Variants in RAET1E observed in about 807,000 individuals in gnomAD.
RAET1E encodes NKG2D ligand 4.
In RAET1E, 27 loss-of-function variants were observed where a neutral mutation model predicts 21.1. That is an observed-to-expected ratio of 1.28 (90% CI 0.94 to 1.76). RAET1E has a LOEUF of 1.76. RAET1E is among the 40% of genes most tolerant of loss of function. RAET1E has a pLI of 0.00. For synonymous variants in RAET1E, 113 were observed against 115.0 expected (o/e 0.98, Z 0.11); for missense variants, 310 against 311.3 (o/e 1.00, Z 0.03).
rs763046844 is a variant in RAET1E at position 149,889,443 on chromosome 6, C to T, written c.527G>A (p.Gly176Glu). Residue 176 changes from glycine to glutamate, a missense_variant, in exon 5 of 6, where the codon GGG becomes GAG. By Grantham distance (98) the Gly-to-Glu change is moderately conservative. Transcript: ENST00000357183. ...GAGCTTCCTGAAATACTTTTCCAGC[C>T]CTCTGTCTTTCTTCCATGTCTCCTT... is the stretch of plus-strand genomic sequence containing the variant. ...KIKETWKKDR[G>E]LEKYFRKLSK... 3 of 1,614,058 alleles carry T rather than the reference C, an allele frequency of 1.9e-6. No individual in the cohort carries two copies. The highest frequency in any genetic ancestry group is 1.3e-5 in the African/African-American group (1 of 74,918).
intron 1 of RAET1E, among the ~76,000 whole-genome samples, chr6:149,897,643 G>A (rs1180247971): frequency 6.6e-6 from 1 of 152,156 alleles, no homozygotes; most frequent in African/African-American, 2.4e-5. Context: ...TGGAAGCCTT[G>A]GCATAAGCGG....
rs1219503533 is a variant in RAET1E, at chr6:149,885,204, C to CA, written c.*3293dup. ...TGTTTCTGTCCATCAGACCACCCAT[C>CA]ACATAGGCAACCCCTGGAGAGTGAC... On this transcript the variant is annotated 3_prime_UTR_variant, in exon 6 of 6. Transcript: ENST00000357183. Among the ~76,000 whole-genome samples, 7 of 152,156 alleles carry CA rather than the reference C, an allele frequency of 4.6e-5. No homozygotes were observed. Among genetic ancestry groups the CA allele is most frequent in the African/African-American group, 1.4e-4 (6 of 41,434 alleles).
At chr6:149,890,758 C>T in intron 3 of RAET1E, 59 bp downstream of exon 3, 6 of 1,215,232 alleles carry the variant, frequency 4.9e-6, no homozygotes, top group Non-Finnish European at 7.3e-6. Context: ...CATTCGCCTA[C>T]CCCCTACCTT....
intron 5 of RAET1E, 115 bp downstream of exon 5, chr6:149,889,233 A>C: frequency 6.7e-7 from 1 of 1,483,180 alleles, no homozygotes; most frequent in Non-Finnish European, 8.9e-7. Context: ...TCCAGACAGG[A>C]AGCCCACGGA....
rs7768626 is a variant in RAET1E, at chr6:149,886,826, G to T, written c.*1672C>A. On this transcript the variant is annotated 3_prime_UTR_variant, in exon 6 of 6. Transcript: ENST00000357183. ...GCTTTTTCTCTCTTCTGTCACTTCA[G>T]CAGAAACAATGCCCAGAAATGCCAG... 0.44 allele frequency among the ~76,000 whole-genome samples: 67,442 copies of T among 152,044 alleles called. 15,655 individuals carry two copies. The highest frequency in any genetic ancestry group is 0.88 in the East Asian group (4,575 of 5,178).
rs1777703752 is a variant in RAET1E at position 149,888,394 on chromosome 6, G to A, written c.*104C>T. On this transcript the variant is annotated 3_prime_UTR_variant, in exon 6 of 6. Transcript: ENST00000357183. Reference sequence around the variant, plus strand: ...CTGCCAGCCCTGCTGTGTAGTGTGGGGGCTCAAGACTAAGGCAGTGCACCA... The same window carrying A: ...CTGCCAGCCCTGCTGTGTAGTGTGGAGGCTCAAGACTAAGGCAGTGCACCA... The A allele has an allele frequency of 7.3e-6, 10 of 1,377,952 alleles. No individual in the cohort carries two copies. Among genetic ancestry groups the A allele is most frequent in the Middle Eastern group, 2.0e-4 (1 of 4,980 alleles). The allele number at this position is 1,377,952 out of a possible 1,614,324, so 85.4% of individuals were successfully genotyped here. A position where few individuals can be genotyped will look rare whatever the true frequency, so the allele number is the denominator to read the frequency against.
intron 2 of RAET1E, among the ~76,000 whole-genome samples, chr6:149,894,696 A>G (rs1459925004): frequency 6.6e-6 from 1 of 152,088 alleles, no homozygotes; most frequent in Non-Finnish European, 1.5e-5. Context: ...CAAGGTTCTT[A>G]TCTTCCTAGC....
At position 149,884,114 on chromosome 6, in the gene RAET1E, T is replaced by G; in HGVS notation, c.*4384A>C. The stretch of plus-strand genomic sequence containing the variant: ...ACTTTTCTTCTCTCCCTCTCACACA[T>G]AGAGGAGGGGGTGTTAGAACCAGGT... On this transcript the variant is annotated 3_prime_UTR_variant, in exon 6 of 6. Transcript: ENST00000357183. 9.6e-6 allele frequency: 2 copies of G among 208,970 alleles called. No individual in the cohort carries two copies. The allele number at this position is 208,970 out of a possible 1,614,324, so 12.9% of individuals were successfully genotyped here.
Position 149,883,810 on chromosome 6 carries a change from T to C in RAET1E, c.*4688A>G, listed in dbSNP as rs998210449. The stretch of plus-strand genomic sequence containing the variant: ...CCGTACTTTATTCCAATGCAAATGA[T>C]GTATTAGGGAAGAATTTCAGTGTAA... On this transcript the variant is annotated 3_prime_UTR_variant, in exon 6 of 6. Coordinates refer to ENST00000357183, the MANE Select transcript of RAET1E (RefSeq NM_001394057.1). 1 of 152,638 alleles carries C rather than the reference T, an allele frequency of 6.6e-6. No individual in the cohort carries two copies. Among genetic ancestry groups the C allele is most frequent in the African/African-American group, 2.4e-5 (1 of 41,482 alleles). 9.5% of individuals were successfully genotyped at this position (152,638 alleles called of 1,614,324 possible).
At chr6:149,896,477 C>A (rs772996001) in intron 1 of RAET1E, among the ~76,000 whole-genome samples, 1 of 152,140 alleles carries the variant, frequency 6.6e-6, no homozygotes, top group Non-Finnish European at 1.5e-5. Context: ...GCACTTCCAC[C>A]TCTTGGTCTG....
In RAET1E at chr6:149,890,829, C is replaced by A. The variant is rs1471462769; in HGVS notation, c.73G>T (p.Glu25Ter). The A allele has an allele frequency of 6.2e-7, 1 of 1,612,478 alleles. No individual in the cohort carries two copies. The highest frequency in any genetic ancestry group is 8.5e-7 in the Non-Finnish European group (1 of 1,178,628). Residue 25 changes from glutamate to a stop codon, truncating the protein, a stop_gained, in exon 3 of 6, where the codon GAG becomes TAG. Transcript: ENST00000357183. LOFTEE classifies it high-confidence loss of function. The stretch of plus-strand genomic sequence containing the variant: ...TCAGGACACTCACCAACCATGATCT[C>A]CAAGGCTATTAGTAGCAACAGCAGA... Reference protein sequence around the residue: ...LFLLLLLIALEIMVGGHSLCF... With the variant: ...LFLLLLLIAL
chr6:149,889,179 G>A (rs1777759762), intron 5 of RAET1E, 169 bp downstream of exon 5: 1 of 1,441,702 alleles, frequency 6.9e-7, no homozygotes, highest in Non-Finnish European at 9.0e-7. Context: ...AGGTGGGATG[G>A]GAAAGGGAGG....
In RAET1E at chr6:149,889,531, A is replaced by T. The variant is rs1562464991; in HGVS notation, c.439T>A (p.Ser147Thr). 1.2e-6 allele frequency: 2 copies of T among 1,613,934 alleles called. No homozygotes were observed. Among genetic ancestry groups the T allele is most frequent in the Non-Finnish European group, 1.7e-6 (2 of 1,179,982 alleles). Residue 147 changes from serine to threonine, a missense_variant, in exon 5 of 6, where the codon TCC becomes ACC. Transcript: ENST00000357183. Reference sequence around the variant, plus strand: ...ATGTTCATTGCGTCAAAGAGGAGGGATTTCTCTCCATTGGTGGCGAACTGC... The same window carrying T: ...ATGTTCATTGCGTCAAAGAGGAGGGTTTTCTCTCCATTGGTGGCGAACTGC... The part of the protein sequence containing the change: ...SWQFATNGEK[S>T]LLFDAMNMTW...
intron 1 of RAET1E, among the ~76,000 whole-genome samples, chr6:149,896,665 T>C (rs1562470654): frequency 1.3e-5 from 2 of 151,362 alleles, no homozygotes; most frequent in Non-Finnish European, 2.9e-5. Context: ...TGTGTGTGTG[T>C]GCATGGGTGC....
intron 2 of RAET1E, among the ~76,000 whole-genome samples, chr6:149,895,201 A>G (rs1778066887): frequency 6.6e-6 from 1 of 152,162 alleles, no homozygotes; most frequent in African/African-American, 2.4e-5. Flanking sequence ...GTCGGCCCCT[A>G]CTGGGAGGTG....
Position 149,888,667 on chromosome 6 carries a change from AC to A in RAET1E, c.623-1del. 6.8e-7 allele frequency: 1 copy of A among 1,478,028 alleles called. No homozygotes were observed. The allele number at this position is 1,478,028 out of a possible 1,614,324, so 91.6% of individuals were successfully genotyped here. On this transcript the variant is annotated splice_acceptor_variant, in intron 5 of 5. Transcript: ENST00000357183. LOFTEE classifies it high-confidence loss of function. Reference sequence around the variant, plus strand: ...GATATCTGAAGCATTTACTGGTGACACTAAAAAAAAAAAAAAAAAGAAAAAA... The same window carrying A: ...GATATCTGAAGCATTTACTGGTGACATAAAAAAAAAAAAAAAAAGAAAAAA...
rs1387085532 is a variant in RAET1E at position 149,884,724 on chromosome 6, G to A, written c.*3774C>T. Among the ~76,000 whole-genome samples the A allele has an allele frequency of 6.6e-6, 1 of 152,202 alleles. No homozygotes were observed. Among genetic ancestry groups the A allele is most frequent in the Non-Finnish European group, 1.5e-5 (1 of 68,034 alleles). ...CCCCAGCAGAGATTTTAGGGGTTCA[G>A]AGCCAAGGAAGGCAAAGTATCAGTG... is the stretch of plus-strand genomic sequence containing the variant. On this transcript the variant is annotated 3_prime_UTR_variant, in exon 6 of 6. Coordinates refer to ENST00000357183, the MANE Select transcript of RAET1E (RefSeq NM_001394057.1).
At chr6:149,891,996 G>A (rs1345135134) in intron 2 of RAET1E, among the ~76,000 whole-genome samples, 1 of 152,138 alleles carries the variant, frequency 6.6e-6, no homozygotes, top group African/African-American at 2.4e-5. Context: ...TTCTGATCTT[G>A]TGATAGCTTG....
Position 149,888,305 on chromosome 6 carries a change from C to A in RAET1E, c.*193G>T. 2 of 756,136 alleles carry A rather than the reference C, an allele frequency of 2.6e-6. No homozygotes were observed. The highest frequency in any genetic ancestry group is 4.5e-6 in the Non-Finnish European group (2 of 443,092). The allele number at this position is 756,136 out of a possible 1,614,324, so 46.8% of individuals were successfully genotyped here. ...AACACCCCAGGCAGGCGTTCCAGATCTTTGACCTTGCCCCTCCTCGAGAGG... is the reference window on the plus strand; with the variant it reads ...AACACCCCAGGCAGGCGTTCCAGATATTTGACCTTGCCCCTCCTCGAGAGG... On this transcript the variant is annotated 3_prime_UTR_variant, in exon 6 of 6. Transcript: ENST00000357183.
Sources: gnomAD v4.1 joint callset for allele counts (sites outside exome capture counted in the v4.1 genomes callset) on GRCh38, gnomAD v4.1.1 for gene constraint, MANE v1.5 for transcripts, NCBI Gene and HGNC (gene_info 2026-07-23, HGNC 2026-07-21) for gene names.